Variants in TRAF3 observed in about 807,000 individuals in gnomAD.
The protein encoded by TRAF3 is TNF receptor associated factor 3.
TRAF3 carries 13 observed loss-of-function variants against 62.3 expected under a neutral mutation model. The ratio of observed to expected loss-of-function variants is 0.21; its 90% confidence interval spans 0.14 to 0.33. The LOEUF is 0.33. Ranked by LOEUF, TRAF3 falls within the 10% of genes least tolerant of loss-of-function variation. TRAF3 has a pLI of 1.00. For missense variants in TRAF3, 440 were observed against 741.8 expected (o/e 0.59, Z 4.73); for synonymous variants, 269 against 283.4 (o/e 0.95, Z 0.51).
chr14:102,870,501 C>T, intron 3 of TRAF3, 55 bp downstream of exon 3: 1 of 1,601,336 alleles, frequency 6.2e-7, no homozygotes, highest in Non-Finnish European at 8.5e-7. Flanking sequence ...TCGGCCTCAC[C>T]CTCTCCTTCA....
chr14:102,790,226 T>C (rs751785983), intron 1 of TRAF3, among the ~76,000 whole-genome samples: 2 of 152,214 alleles, frequency 1.3e-5, no homozygotes, highest in African/African-American at 4.8e-5. Flanking sequence ...AATTCATTCT[T>C]TGTATGTTCT....
At chr14:102,803,978 G>A (rs1274568369) in intron 1 of TRAF3, among the ~76,000 whole-genome samples, 1 of 152,088 alleles carries the variant, frequency 6.6e-6, no homozygotes, top group East Asian at 1.9e-4. Context: ...CCGGAGGGTC[G>A]CTTGAGCCCA....
chr14:102,885,491 G>A (rs1477720486), intron 6 of TRAF3, among the ~76,000 whole-genome samples: 1 of 152,158 alleles, frequency 6.6e-6, no homozygotes, highest in East Asian at 1.9e-4. Flanking sequence ...GGGAGTCCTT[G>A]CCCTTGCTCT....
At chr14:102,874,303 C>T (rs1015753597) in intron 4 of TRAF3, among the ~76,000 whole-genome samples, 2 of 152,172 alleles carry the variant, frequency 1.3e-5, no homozygotes, top group Non-Finnish European at 2.9e-5. Context: ...CTTGCCCAGG[C>T]TGGAGTACAA....
chr14:102,809,683 A>G (rs1222777145), intron 1 of TRAF3, among the ~76,000 whole-genome samples: 1 of 151,466 alleles, frequency 6.6e-6, no homozygotes, highest in Non-Finnish European at 1.5e-5. Context: ...GGCGCTCGCC[A>G]CCACACCCGG....
chr14:102,810,412 C>T (rs1470196673), intron 1 of TRAF3, among the ~76,000 whole-genome samples: 2 of 152,100 alleles, frequency 1.3e-5, no homozygotes, highest in Non-Finnish European at 2.9e-5. Flanking sequence ...GGTGGACCAT[C>T]AGAAGCTTTT....
intron 6 of TRAF3, among the ~76,000 whole-genome samples, chr14:102,881,051 C>T (rs1255011059): frequency 2.0e-5 from 3 of 152,058 alleles, no homozygotes; most frequent in African/African-American, 7.2e-5. Context: ...CAAGATCATG[C>T]ACTCCAGCCT....
At chr14:102,900,205 A>C (rs7155889) in intron 10 of TRAF3, among the ~76,000 whole-genome samples, 47,296 of 134,612 alleles carry the variant, frequency 0.35, 11,707 homozygotes, top group African/African-American at 0.72. Context: ...AAAAAAAAAG[A>C]CAGCCTAGGC....
At chr14:102,814,761 G>GGTCC in intron 1 of TRAF3, among the ~76,000 whole-genome samples, 1 of 152,014 alleles carries the variant, frequency 6.6e-6, no homozygotes, top group East Asian at 1.9e-4. Flanking sequence ...GAGCTCAAGC[G>GGTCC]GTCCACCCAC....
Position 102,849,266 on chromosome 14 carries a change from C to T in TRAF3, c.-18+18794C>T, listed in dbSNP as rs377144264. Among the ~76,000 whole-genome samples, 48 of 152,342 alleles carry T rather than the reference C, an allele frequency of 3.2e-4. 1 individual carries two copies. In the East Asian group the frequency reaches 7.9e-3, roughly 25 times the overall value. On this transcript the variant is annotated intron_variant, in intron 2 of 11. Transcript: ENST00000392745. ...GCAACTTCTGCCCCTTATACAGCCC[C>T]GGGGCTCCAGCCCCATGTGGCAGGC... is the stretch of plus-strand genomic sequence containing the variant.
At chr14:102,886,397 CAAAA>C in intron 7 of TRAF3, 128 bp downstream of exon 7, 1 of 788,598 alleles carries the variant, frequency 1.3e-6, no homozygotes, top group East Asian at 2.9e-5. Flanking sequence ...GGCAGACAAA[CAAAA>C]ACCACAGCAA....
Position 102,905,670 on chromosome 14 carries a change from C to G in TRAF3, c.1593C>G (p.Ala531=). The change falls in exon 12 of 12, where the codon GCC becomes GCG. Residue 531 remains alanine (A), a synonymous_variant. Coordinates refer to ENST00000392745, the MANE Select transcript of TRAF3 (RefSeq NM_145725.3). ...AGCCCACTGGAGAGATGAATATCGC[C>G]TCTGGCTGCCCAGTCTTTGTGGCCC... ...FKKPTGEMNI[A]SGCPVFVAQT... 1 of 1,612,992 alleles carries G rather than the reference C, an allele frequency of 6.2e-7. No individual in the cohort carries two copies. Among genetic ancestry groups the G allele is most frequent in the Non-Finnish European group, 8.5e-7 (1 of 1,179,032 alleles).
At chr14:102,863,881 C>T (rs936949841) in intron 2 of TRAF3, among the ~76,000 whole-genome samples, 9 of 152,128 alleles carry the variant, frequency 5.9e-5, no homozygotes, top group Admixed American at 1.3e-4. Flanking sequence ...GTAGACAGGT[C>T]GAAACAAACA....
At chr14:102,843,213 A>C (rs1023001356) in intron 2 of TRAF3, among the ~76,000 whole-genome samples, 5 of 151,896 alleles carry the variant, frequency 3.3e-5, no homozygotes, top group African/African-American at 9.7e-5. Context: ...AAAAAAAAAA[A>C]CCCAAAAACA....
At chr14:102,819,471 A>C (rs1899760271) in intron 1 of TRAF3, among the ~76,000 whole-genome samples, 1 of 152,206 alleles carries the variant, frequency 6.6e-6, no homozygotes, top group Admixed American at 6.5e-5. Flanking sequence ...GCTGTGGGCG[A>C]GATGTGTGCA....
intron 6 of TRAF3, among the ~76,000 whole-genome samples, chr14:102,881,074 C>G (rs1025344884): frequency 6.6e-6 from 1 of 151,794 alleles, no homozygotes; most frequent in Non-Finnish European, 1.5e-5. Flanking sequence ...TCAACAAGAG[C>G]GAAACTCCGT....
At chr14:102,798,725 T>A (rs2139447232) in intron 1 of TRAF3, among the ~76,000 whole-genome samples, 1 of 152,306 alleles carries the variant, frequency 6.6e-6, no homozygotes, top group South Asian at 2.1e-4. Flanking sequence ...TCCTCCTGAT[T>A]CGGCCTCCCA....
At chr14:102,888,593 A>C (rs978141407) in intron 7 of TRAF3, among the ~76,000 whole-genome samples, 3 of 152,180 alleles carry the variant, frequency 2.0e-5, no homozygotes, top group African/African-American at 4.8e-5. Flanking sequence ...ATGCTGGCAC[A>C]CAGAAGAACA....
intron 1 of TRAF3, among the ~76,000 whole-genome samples, chr14:102,828,750 T>C (rs534300787): frequency 7.6e-4 from 116 of 152,278 alleles, no homozygotes; most frequent in Admixed American, 1.5e-3. Context: ...TGAAGACTTA[T>C]CTTATTTAGT....
Sources: allele counts gnomAD v4.1 joint callset (sites outside exome capture counted in the v4.1 genomes callset), GRCh38; gene constraint gnomAD v4.1.1; transcripts MANE v1.5; gene names NCBI Gene and HGNC (gene_info 2026-07-23, HGNC 2026-07-21).